Variants in ATXN10 observed in about 807,000 individuals in gnomAD.
ATXN10 encodes ataxin-10.
ATXN10 carries 28 observed loss-of-function variants against 52.9 expected under a neutral mutation model. That is an observed-to-expected ratio of 0.53 (90% CI 0.39 to 0.73). The LOEUF (loss-of-function observed/expected upper bound fraction) is 0.73. Ranked by LOEUF, ATXN10 falls within the 30% of genes least tolerant of loss-of-function variation. ATXN10 has a pLI of 0.00. For synonymous variants in ATXN10, 226 were observed against 221.5 expected (o/e 1.02, Z -0.18); for missense variants, 565 against 577.0 (o/e 0.98, Z 0.21).
At chr22:45,703,501 T>C (rs1480613599) in intron 5 of ATXN10, among the ~76,000 whole-genome samples, 1 of 152,184 alleles carries the variant, frequency 6.6e-6, no homozygotes, top group East Asian at 1.9e-4. Flanking sequence ...TTCAGGCCCT[T>C]GTTCTCTCTC....
chr22:45,779,914 A>C (rs878982945), intron 9 of ATXN10, among the ~76,000 whole-genome samples: 3 of 152,182 alleles, frequency 2.0e-5, no homozygotes, highest in Non-Finnish European at 2.9e-5. Context: ...GTGTTTCTGA[A>C]AAAAAAATCT....
At chr22:45,700,226 T>G (rs1177373595) in intron 3 of ATXN10, 56 bp from the exon 4 acceptor site, 1 of 1,192,216 alleles carries the variant, frequency 8.4e-7, no homozygotes, top group Non-Finnish European at 1.2e-6. Flanking sequence ...TAAGATGCAT[T>G]TATTTATTGT....
rs192431009 is a variant in ATXN10, at chr22:45,746,363, G to A, written c.1173+5825G>A. On this transcript the variant is annotated intron_variant, in intron 9 of 11. Transcript: ENST00000252934. Reference sequence around the variant, plus strand: ...ATGTTTTCAAGCAGCGTATTTGTCTGTTAAATCATGAAAAACTGAAAAAAA... The same window carrying A: ...ATGTTTTCAAGCAGCGTATTTGTCTATTAAATCATGAAAAACTGAAAAAAA... 2.9e-3 allele frequency among the ~76,000 whole-genome samples: 443 copies of A among 150,832 alleles called. 2 individuals are homozygous for A. The highest frequency in any genetic ancestry group is 8.9e-3 in the South Asian group (42 of 4,718).
At chr22:45,800,050 C>T (rs1484447889) in intron 9 of ATXN10, among the ~76,000 whole-genome samples, 1 of 151,968 alleles carries the variant, frequency 6.6e-6, no homozygotes, top group Non-Finnish European at 1.5e-5. Context: ...TAGAAGAAAA[C>T]ATTATGGATA....
Position 45,696,722 on chromosome 22 carries a change from A to T in ATXN10, c.392-3560A>T, listed in dbSNP as rs984917015. Reference sequence around the variant, plus strand: ...TATCTCGTTTTTCTGCTCTATCCCAAATGTGCTACAAAAGATGTATTTAGT... The same window carrying T: ...TATCTCGTTTTTCTGCTCTATCCCATATGTGCTACAAAAGATGTATTTAGT... On this transcript the variant is annotated intron_variant, in intron 3 of 11. Coordinates refer to ENST00000252934, the MANE Select transcript of ATXN10 (RefSeq NM_013236.4). The surrounding 1 kb of genome is among the most constrained non-coding windows in gnomAD (Gnocchi z 4.7). 3.9e-5 allele frequency among the ~76,000 whole-genome samples: 6 copies of T among 152,146 alleles called. No individual in the cohort carries two copies. The highest frequency in any genetic ancestry group is 1.4e-4 in the African/African-American group (6 of 41,434).
chr22:45,729,350 T>A (rs1924995393), intron 6 of ATXN10, 75 bp from the exon 7 acceptor site: 3 of 1,452,538 alleles, frequency 2.1e-6, no homozygotes, highest in African/African-American at 2.8e-5. Flanking sequence ...CCCTTAAAGT[T>A]GCTTTCCTAG....
At chr22:45,746,512 T>C (rs1004516363) in intron 9 of ATXN10, among the ~76,000 whole-genome samples, 1 of 152,192 alleles carries the variant, frequency 6.6e-6, no homozygotes, top group African/African-American at 2.4e-5. Flanking sequence ...GAGTGATTGC[T>C]CTGCAGAGAA....
Position 45,818,746 on chromosome 22 carries a change from C to G in ATXN10, c.1237+11724C>G, listed in dbSNP as rs1000916849. On this transcript the variant is annotated intron_variant, in intron 10 of 11. Transcript: ENST00000252934. The surrounding 1 kb of genome is among the most constrained non-coding windows in gnomAD (Gnocchi z 4.6). The stretch of plus-strand genomic sequence containing the variant: ...TCAGCTGCCTGTCTGCTGCGTTTTC[C>G]CAAGCGTGCTTCTCAGTGGTTGCTG... Among the ~76,000 whole-genome samples, 1 of 151,988 alleles carries G rather than the reference C, an allele frequency of 6.6e-6. No individual in the cohort carries two copies. Among genetic ancestry groups the G allele is most frequent in the Non-Finnish European group, 1.5e-5 (1 of 67,992 alleles).
In ATXN10 at chr22:45,775,821, G is replaced by A. The variant is rs1043112536; in HGVS notation, c.1174-31138G>A. On this transcript the variant is annotated intron_variant, in intron 9 of 11. Transcript: ENST00000252934. The surrounding 1 kb of genome is among the most constrained non-coding windows in gnomAD (Gnocchi z 4.7). ...TAGCACCAATAATAAATATTCTACA[G>A]CCTCTAACCTGATAGATCATTCCGC... Among the ~76,000 whole-genome samples the A allele has an allele frequency of 6.6e-6, 1 of 152,128 alleles. No homozygotes were observed. The highest frequency in any genetic ancestry group is 1.5e-5 in the Non-Finnish European group (1 of 68,032).
chr22:45,730,318 CG>C (rs1382977582), intron 7 of ATXN10, among the ~76,000 whole-genome samples: 1 of 140,384 alleles, frequency 7.1e-6, no homozygotes, highest in Non-Finnish European at 1.5e-5. Context: ...CCCTCCAGCT[CG>C]GGTGATGCAG....
rs926247095 is a variant in ATXN10 at position 45,816,920 on chromosome 22, G to T, written c.1237+9898G>T. Among the ~76,000 whole-genome samples, 1 of 152,110 alleles carries T rather than the reference G, an allele frequency of 6.6e-6. No individual in the cohort carries two copies. Among genetic ancestry groups the T allele is most frequent in the Non-Finnish European group, 1.5e-5 (1 of 68,026 alleles). On this transcript the variant is annotated intron_variant, in intron 10 of 11. Coordinates refer to ENST00000252934, the MANE Select transcript of ATXN10 (RefSeq NM_013236.4). The surrounding 1 kb of genome is among the most constrained non-coding windows in gnomAD (Gnocchi z 5.8). ...GGTGGAGAATCTAGCGTGGTATCAG[G>T]CCTGCCAAACAGCAGCCGGAAGGAG...
rs983884246 is a variant in ATXN10 at position 45,728,666 on chromosome 22, A to G, written c.729-759A>G. Among the ~76,000 whole-genome samples, 9 of 152,220 alleles carry G rather than the reference A, an allele frequency of 5.9e-5. No homozygotes were observed. The highest frequency in any genetic ancestry group is 2.2e-4 in the African/African-American group (9 of 41,442). ...CCAAATCAAAATGTAATTTTGAGCA[A>G]ATGTGCTAATTGATTTATGCTAGAC... On this transcript the variant is annotated intron_variant, in intron 6 of 11. Transcript: ENST00000252934. This position sits in a 1 kb window ranked among gnomAD's most constrained non-coding sequence, Gnocchi z 4.3.
chr22:45,727,331 A>ATATCTATCTACCTATCTATC lies in ATXN10; in HGVS notation c.729-2084_729-2083insCCTATCTATCTATCTATCTA, dbSNP rs1555890578. Among the ~76,000 whole-genome samples the ATATCTATCTACCTATCTATC allele has an allele frequency of 1.8e-4, 27 of 146,796 alleles. No individual in the cohort carries two copies. Among genetic ancestry groups the ATATCTATCTACCTATCTATC allele is most frequent in the African/African-American group, 6.4e-4 (25 of 39,330 alleles). ...GTTCTGTCTGTCTGTCTATCTATCT[A>ATATCTATCTACCTATCTATC]TATCTATCTATCTATCTATCTATCT... On this transcript the variant is annotated intron_variant, in intron 6 of 11. Transcript: ENST00000252934. The surrounding 1 kb of genome is among the most constrained non-coding windows in gnomAD (Gnocchi z 4.6).
chr22:45,761,961 T>C (rs1453388635), intron 9 of ATXN10, among the ~76,000 whole-genome samples: 1 of 152,220 alleles, frequency 6.6e-6, no homozygotes, highest in Non-Finnish European at 1.5e-5. Context: ...TGGTCTTAAC[T>C]GAAGCAGGTG....
intron 5 of ATXN10, among the ~76,000 whole-genome samples, chr22:45,703,307 C>T (rs1328915701): frequency 6.6e-6 from 1 of 152,108 alleles, no homozygotes; most frequent in Non-Finnish European, 1.5e-5. Context: ...TGTTATTTCT[C>T]TGTGATTGCT....
chr22:45,766,780 C>T lies in ATXN10; in HGVS notation c.1173+26242C>T, dbSNP rs1364464776. ...GCAACTTAAATCACAAACAGAAAGC[C>T]TAATATCCATAATACAAAGAGTTTC... On this transcript the variant is annotated intron_variant, in intron 9 of 11. Coordinates refer to ENST00000252934, the MANE Select transcript of ATXN10 (RefSeq NM_013236.4). This position sits in a 1 kb window ranked among gnomAD's most constrained non-coding sequence, Gnocchi z 4.6. 3.9e-5 allele frequency among the ~76,000 whole-genome samples: 6 copies of T among 151,980 alleles called. No homozygotes were observed. Among genetic ancestry groups the T allele is most frequent in the Admixed American group, 3.9e-4 (6 of 15,254 alleles).
chr22:45,729,400 T>C, intron 6 of ATXN10, 25 bp from the exon 7 acceptor site: 1 of 1,612,376 alleles, frequency 6.2e-7, no homozygotes, highest in South Asian at 1.1e-5. Context: ...TATAGATTCA[T>C]GCAGAAATCC....
chr22:45,724,297 C>T (rs934194267), intron 6 of ATXN10, among the ~76,000 whole-genome samples: 4 of 152,072 alleles, frequency 2.6e-5, no homozygotes, highest in South Asian at 4.1e-4. Context: ...ATTGTATATG[C>T]GTTCCTTTTT....
At chr22:45,839,508 G>A (rs2146918540) in intron 10 of ATXN10, among the ~76,000 whole-genome samples, 1 of 152,286 alleles carries the variant, frequency 6.6e-6, no homozygotes, top group Middle Eastern at 3.4e-3. Context: ...ATCTCCGAGA[G>A]GGCTTTTCTT....
Sources: gnomAD v4.1 joint callset for allele counts (sites outside exome capture counted in the v4.1 genomes callset) on GRCh38, gnomAD v4.1.1 for gene constraint, Gnocchi (gnomAD v3.1) non-coding constraint, MANE v1.5 for transcripts, NCBI Gene and HGNC (gene_info 2026-07-23, HGNC 2026-07-21) for gene names.